The following HNMT variants were observed in gnomAD, a reference collection of about 807,000 sequenced individuals.
HNMT encodes histamine N-methyltransferase.
HNMT carries 30 observed loss-of-function variants against 32.1 expected under a neutral mutation model. The ratio of observed to expected loss-of-function variants is 0.93; its 90% CI spans 0.70 to 1.27. The LOEUF (loss-of-function observed/expected upper bound fraction) is 1.27, where lower values mean the gene tolerates loss of function less well. Among genes scored for constraint, HNMT ranks in the 50% most tolerant of loss-of-function variants. HNMT has a pLI of 0.00. For synonymous variants in HNMT, 125 were observed against 119.0 expected (o/e 1.05, Z -0.33); for missense variants, 327 against 346.0 (o/e 0.95, Z 0.43).
Position 138,014,989 on chromosome 2 carries a change from A to T in HNMT, c.*859A>T, listed in dbSNP as rs1428927560. On this transcript the variant is annotated 3_prime_UTR_variant, in exon 6 of 6. Coordinates refer to ENST00000280097, the MANE Select transcript of HNMT (RefSeq NM_006895.3). ...AACAAAATTTATTGAAGAACAAAGA[A>T]ACACAAAACTAAACCTGTTCTAGCT... 1.3e-5 allele frequency: 2 copies of T among 152,076 alleles called. No homozygotes were observed. Among genetic ancestry groups the T allele is most frequent in the Admixed American group, 1.3e-4 (2 of 15,258 alleles). The allele number at this position is 152,076 out of a possible 1,614,324, so 9.4% of individuals were successfully genotyped here.
chr2:137,977,999 G>T (rs1220213150), intron 2 of HNMT, among the ~76,000 whole-genome samples: 1 of 152,042 alleles, frequency 6.6e-6, no homozygotes, highest in Non-Finnish European at 1.5e-5. Flanking sequence ...CTGTGCTACA[G>T]TTCCTCAGCC....
intron 2 of HNMT, among the ~76,000 whole-genome samples, chr2:137,995,058 G>T (rs2104965325): frequency 6.6e-6 from 1 of 152,220 alleles, no homozygotes; most frequent in South Asian, 2.1e-4. Flanking sequence ...GCCCCCATCA[G>T]AAAGCCTGAA....
chr2:137,999,168 A>G (rs759988096), intron 2 of HNMT, among the ~76,000 whole-genome samples: 5 of 152,182 alleles, frequency 3.3e-5, no homozygotes, highest in Non-Finnish European at 7.4e-5. Context: ...ACATACTCAA[A>G]TCACCTAATC....
At chr2:137,987,257 G>A (rs1680676111) in intron 2 of HNMT, among the ~76,000 whole-genome samples, 1 of 152,054 alleles carries the variant, frequency 6.6e-6, no homozygotes, top group South Asian at 2.1e-4. Context: ...GGTCATGAGA[G>A]GTCACATGTG....
chr2:137,995,849 C>T (rs1444734196), intron 2 of HNMT, among the ~76,000 whole-genome samples: 2 of 152,030 alleles, frequency 1.3e-5, no homozygotes, highest in Admixed American at 6.6e-5. Flanking sequence ...CCCTGGGATG[C>T]AAGGCTGGTT....
intron 2 of HNMT, among the ~76,000 whole-genome samples, chr2:137,978,896 T>C (rs1240224318): frequency 7.2e-6 from 1 of 139,836 alleles, no homozygotes; most frequent in Non-Finnish European, 1.5e-5. Context: ...TAGTATAAAG[T>C]ATACTCCATA....
chr2:137,984,878 ATTTAAAT>A (rs1157851985), intron 2 of HNMT, among the ~76,000 whole-genome samples: 1 of 152,164 alleles, frequency 6.6e-6, no homozygotes, highest in African/African-American at 2.4e-5. Context: ...TTCAGGAGAG[ATTTAAAT>A]ACCCTATGAA....
chr2:137,971,757 T>C (rs1281862093), intron 2 of HNMT, among the ~76,000 whole-genome samples: 1 of 152,140 alleles, frequency 6.6e-6, no homozygotes, highest in African/African-American at 2.4e-5. Context: ...GTAAAATAAG[T>C]TTCATCTCAA....
intron 1 of HNMT, among the ~76,000 whole-genome samples, chr2:137,968,007 G>C (rs1329004821): frequency 6.6e-6 from 1 of 152,060 alleles, no homozygotes; most frequent in Non-Finnish European, 1.5e-5. Context: ...GTCAGGGCAG[G>C]GTTTGTTGAG....
chr2:138,007,937 T>C (rs930924068), intron 5 of HNMT, among the ~76,000 whole-genome samples: 6 of 152,018 alleles, frequency 3.9e-5, no homozygotes, highest in Admixed American at 6.6e-5. Flanking sequence ...TTCCCTCATA[T>C]CCTCTTAGTT....
At chr2:137,981,332 T>A (rs1399743501) in intron 2 of HNMT, 1 of 1,613,246 alleles carries the variant, frequency 6.2e-7, no homozygotes, top group Admixed American at 1.7e-5. Context: ...CTCTTCTGAG[T>A]TGCCATTTGG....
intron 2 of HNMT, among the ~76,000 whole-genome samples, chr2:137,971,368 C>T (rs1197276479): frequency 6.6e-6 from 1 of 152,058 alleles, no homozygotes; most frequent in African/African-American, 2.4e-5. Context: ...TTAATAGAGA[C>T]GGGGTTTCAC....
Position 138,014,197 on chromosome 2 carries a change from T to C in HNMT, c.*67T>C. 1.9e-6 allele frequency: 2 copies of C among 1,039,830 alleles called. No individual in the cohort carries two copies. The highest frequency in any genetic ancestry group is 2.5e-5 in the East Asian group (1 of 39,916). 64.4% of individuals were successfully genotyped at this position (1,039,830 alleles called of 1,614,324 possible). On this transcript the variant is annotated 3_prime_UTR_variant, in exon 6 of 6. Coordinates refer to ENST00000280097, the MANE Select transcript of HNMT (RefSeq NM_006895.3). ...AACTCGAATCACTCATTTATTTCCATATTAAAATCACAAACTCATCCATTA... is the reference window on the plus strand; with the variant it reads ...AACTCGAATCACTCATTTATTTCCACATTAAAATCACAAACTCATCCATTA...
At chr2:137,992,554 C>A (rs1227178614) in intron 2 of HNMT, among the ~76,000 whole-genome samples, 2 of 152,170 alleles carry the variant, frequency 1.3e-5, no homozygotes, top group Admixed American at 1.3e-4. Flanking sequence ...GGGACAGAAC[C>A]TGCATCTCCC....
intron 2 of HNMT, among the ~76,000 whole-genome samples, chr2:137,971,038 G>C (rs1680120990): frequency 6.6e-6 from 1 of 151,996 alleles, no homozygotes; most frequent in South Asian, 2.1e-4. Flanking sequence ...CTCACCATGG[G>C]GAAAAATGTG....
intron 2 of HNMT, chr2:137,981,173 G>C: frequency 6.3e-7 from 1 of 1,587,720 alleles, no homozygotes; most frequent in Non-Finnish European, 8.6e-7. Flanking sequence ...AATGGCAGGA[G>C]ATATGGCCAC....
intron 4 of HNMT, 43 bp from the exon 5 acceptor site, chr2:138,005,089 C>T: frequency 9.1e-7 from 1 of 1,102,768 alleles, no homozygotes; most frequent in Non-Finnish European, 1.4e-6. Context: ...ATAAAGACTT[C>T]AACATACAGA....
Position 137,964,589 on chromosome 2 carries a change from A to G in HNMT, c.98A>G (p.Gln33Arg). Residue 33 changes from glutamine to arginine, a missense_variant, in exon 1 of 6, where the codon CAG becomes CGG. Physicochemically the swap from Gln to Arg is conservative, Grantham distance 43. Transcript: ENST00000280097. ...CATTCCACGGAACACCAGTGCATGC[A>G]GGAATTCATGGACAAGAAGCTGCCA... ...LNHSTEHQCM[Q>R]EFMDKKLPGI... 6.2e-7 allele frequency: 1 copy of G among 1,613,834 alleles called. No individual in the cohort carries two copies. The highest frequency in any genetic ancestry group is 8.5e-7 in the Non-Finnish European group (1 of 1,179,782).
chr2:137,967,058 G>T (rs200784356), intron 1 of HNMT: 1 of 780,270 alleles, frequency 1.3e-6, no homozygotes, highest in Non-Finnish European at 2.4e-6. Context: ...AAATGGTTTT[G>T]TATAATAGAT....
Sources: allele counts gnomAD v4.1 joint callset (sites outside exome capture counted in the v4.1 genomes callset), GRCh38; gene constraint gnomAD v4.1.1; transcripts MANE v1.5; gene names NCBI Gene and HGNC (gene_info 2026-07-23, HGNC 2026-07-21).